Variants in PALM2AKAP2 observed in about 807,000 individuals in gnomAD.
PALM2AKAP2 encodes the protein PALM2 and AKAP2 fusion.
PALM2AKAP2 carries 37 observed loss-of-function variants against 71.5 expected under a neutral mutation model. The observed-to-expected ratio is 0.52, with a 90% CI of 0.40 to 0.68. PALM2AKAP2 has a LOEUF of 0.68. Ranked by LOEUF, PALM2AKAP2 falls within the 30% of genes least tolerant of loss-of-function variation. The pLI, the probability that PALM2AKAP2 is intolerant of heterozygous loss-of-function variation, is 0.00. For synonymous variants in PALM2AKAP2, 468 were observed against 478.8 expected (o/e 0.98, Z 0.29); for missense variants, 1,224 against 1,191.8 (o/e 1.03, Z -0.40).
At chr9:109,779,698 C>T, upstream of PALM2AKAP2, among the ~76,000 whole-genome samples, 1 of 152,224 alleles carries the variant, frequency 6.6e-6, no homozygotes, top group East Asian at 1.9e-4. Flanking sequence ...ATACCCTACC[C>T]TCGGCCGACT....
intron 1 of PALM2AKAP2, among the ~76,000 whole-genome samples, chr9:109,851,959 C>T (rs896614051): frequency 6.6e-6 from 1 of 152,040 alleles, no homozygotes; most frequent in Non-Finnish European, 1.5e-5. Flanking sequence ...CAGAACTAGC[C>T]ACGAGAAAGC....
At position 110,136,456 on chromosome 9, in the gene PALM2AKAP2, C is replaced by G. The variant is rs375942525; in HGVS notation, c.486C>G (p.Tyr162Ter). ...GTGATTCTGCTGTGGATGGAACGTA[C>G]AATGGAACATCCTCCCCAGAGCCTG... The change falls in exon 2 of 4, where the codon TAC (tyrosine) becomes TAG (stop). Residue 162 changes from tyrosine to a stop codon, truncating the protein, a stop_gained. Coordinates refer to ENST00000374525, the Ensembl canonical transcript of PALM2AKAP2. LOFTEE classifies it high-confidence loss of function. The G allele has an allele frequency of 1.9e-6, 3 of 1,614,082 alleles. No homozygotes were observed. Among genetic ancestry groups the G allele is most frequent in the Non-Finnish European group, 2.5e-6 (3 of 1,180,046 alleles).
intron 2 of PALM2AKAP2, 41 bp downstream of exon 8, chr9:110,138,580 G>A: frequency 6.6e-7 from 1 of 1,516,970 alleles, no homozygotes; most frequent in Non-Finnish European, 8.8e-7. Flanking sequence ...TGCCACAGCA[G>A]TCTGTTGTTG....
At chr9:110,103,283 C>T (rs1037390988) in intron 1 of PALM2AKAP2, among the ~76,000 whole-genome samples, 1 of 152,216 alleles carries the variant, frequency 6.6e-6, no homozygotes, top group Admixed American at 6.5e-5. Context: ...CAGCACAGTG[C>T]CTGAAGCACA....
intron 3 of PALM2AKAP2, among the ~76,000 whole-genome samples, chr9:109,920,833 A>G (rs1359150587): frequency 3.3e-5 from 5 of 150,882 alleles, no homozygotes; most frequent in Admixed American, 3.3e-4. Context: ...ACCTGCTCAG[A>G]GCCCACCTGG....
chr9:110,086,078 C>G (rs919863414), intron 1 of PALM2AKAP2, among the ~76,000 whole-genome samples: 1 of 148,844 alleles, frequency 6.7e-6, no homozygotes, highest in African/African-American at 2.5e-5. Context: ...CTGCACTCCA[C>G]CTGGGCAATA....
chr9:109,964,288 G>A (rs1831904154), intron 6 of PALM2AKAP2, among the ~76,000 whole-genome samples: 2 of 152,214 alleles, frequency 1.3e-5, no homozygotes, highest in Admixed American at 1.3e-4. Flanking sequence ...ACAGGAATGA[G>A]AGGTTTTGGC....
chr9:110,096,643 C>T (rs1588106686), intron 1 of PALM2AKAP2, among the ~76,000 whole-genome samples: 1 of 152,162 alleles, frequency 6.6e-6, no homozygotes, highest in East Asian at 1.9e-4. Flanking sequence ...ATGTTCTTTT[C>T]ATACTAGCCA....
chr9:110,164,500 A>G (rs1426936160), intron 3 of PALM2AKAP2, among the ~76,000 whole-genome samples: 6 of 151,550 alleles, frequency 4.0e-5, no homozygotes, highest in Non-Finnish European at 7.4e-5. Context: ...TGTGAAAACA[A>G]TAAAACTTTG....
intron 1 of PALM2AKAP2, among the ~76,000 whole-genome samples, chr9:109,717,747 A>C (rs1235158126): frequency 2.0e-5 from 3 of 152,254 alleles, no homozygotes; most frequent in Non-Finnish European, 2.9e-5. Flanking sequence ...CAGGTTGGGC[A>C]GCCTAAGCCC....
intron 3 of PALM2AKAP2, among the ~76,000 whole-genome samples, chr9:109,911,168 A>G (rs192303784): frequency 2.6e-5 from 4 of 152,240 alleles, no homozygotes; most frequent in East Asian, 1.9e-4. Flanking sequence ...CTCTTCCTAG[A>G]AAAAAGGGAC....
chr9:109,689,830 T>C (rs1362893434), intron 1 of PALM2AKAP2, among the ~76,000 whole-genome samples: 8 of 152,154 alleles, frequency 5.3e-5, no homozygotes, highest in Non-Finnish European at 1.0e-4. Context: ...TTCTCTATGA[T>C]CTGGCCAACT....
At chr9:109,692,884 T>A (rs1461737099) in intron 1 of PALM2AKAP2, among the ~76,000 whole-genome samples, 1 of 151,946 alleles carries the variant, frequency 6.6e-6, no homozygotes, top group Admixed American at 6.6e-5. Flanking sequence ...GGAATATTGA[T>A]CTGTGATTTC....
intron 1 of PALM2AKAP2, among the ~76,000 whole-genome samples, chr9:109,803,137 C>T (rs773043718): frequency 9.9e-5 from 15 of 152,084 alleles, no homozygotes; most frequent in Non-Finnish European, 2.1e-4. Context: ...TTAAAATGTA[C>T]ACATTAACTG....
At chr9:109,983,646 CTTGAGGCTAGGAG>C (rs1309007869) in intron 6 of PALM2AKAP2, among the ~76,000 whole-genome samples, 1 of 152,142 alleles carries the variant, frequency 6.6e-6, no homozygotes, top group Non-Finnish European at 1.5e-5. Context: ...GGATGGATCA[CTTGAGGCTAGGAG>C]TTCGAGACCA....
chr9:110,111,297 T>C (rs1318423822), intron 1 of PALM2AKAP2, among the ~76,000 whole-genome samples: 1 of 152,082 alleles, frequency 6.6e-6, no homozygotes, highest in South Asian at 2.1e-4. Context: ...CTCATTACGT[T>C]GCCTAGGCTG....
At chr9:109,900,548 T>C (rs1830304379) in intron 3 of PALM2AKAP2, among the ~76,000 whole-genome samples, 1 of 152,216 alleles carries the variant, frequency 6.6e-6, no homozygotes, top group Non-Finnish European at 1.5e-5. Flanking sequence ...TTTACCCCAG[T>C]GGTGTTTGGC....
chr9:109,791,248 G>A (rs892620538), intron 1 of PALM2AKAP2, among the ~76,000 whole-genome samples: 2 of 152,226 alleles, frequency 1.3e-5, no homozygotes, highest in Non-Finnish European at 2.9e-5. Context: ...GAGGGAGAAT[G>A]AAGAGAAAAT....
intron 3 of PALM2AKAP2, among the ~76,000 whole-genome samples, chr9:109,899,222 T>C (rs996909933): frequency 2.0e-5 from 3 of 152,232 alleles, no homozygotes; most frequent in African/African-American, 7.2e-5. Context: ...TTCCTTTTCA[T>C]TGATTCTTAA....
Sources: gnomAD v4.1 joint callset for allele counts (sites outside exome capture counted in the v4.1 genomes callset) on GRCh38, gnomAD v4.1.1 for gene constraint, MANE v1.5 for transcripts, NCBI Gene and HGNC (gene_info 2026-07-23, HGNC 2026-07-21) for gene names.